The following GLIS3 variants were observed in gnomAD, a reference collection of about 807,000 sequenced individuals.
The protein encoded by GLIS3 is GLIS family zinc finger 3, also known as zinc finger protein GLIS3.
Under a neutral mutation model 78.6 loss-of-function variants are expected in GLIS3, and 53 were observed. That is an observed-to-expected ratio of 0.67 (90% CI 0.54 to 0.85). The LOEUF is 0.85. Ranked by LOEUF, GLIS3 falls within the 40% of genes least tolerant of loss-of-function variation. The probability of loss-of-function intolerance (pLI) is 0.00; values close to 1 mark genes in which losing one functional copy is unlikely to be tolerated. For missense variants in GLIS3, 1,703 were observed against 1,231.1 expected, an observed-to-expected ratio of 1.38 and a Z score of -5.74; for synonymous variants, 684 against 509.9, an observed-to-expected ratio of 1.34 and a Z score of -4.60.
At chr9:3,988,914 C>T (rs918606932) in intron 4 of GLIS3, among the ~76,000 whole-genome samples, 2 of 152,012 alleles carry the variant, frequency 1.3e-5, no homozygotes, top group African/African-American at 4.8e-5. Context: ...TAAATTTGTT[C>T]TCATCAAAAT....
chr9:4,214,987 A>T (rs1388794226), intron 2 of GLIS3, among the ~76,000 whole-genome samples: 1 of 152,196 alleles, frequency 6.6e-6, no homozygotes, highest in African/African-American at 2.4e-5. Context: ...AGAGGGTGAG[A>T]CAGCTCTCCC....
chr9:4,119,551 A>G (rs1832025745), intron 3 of GLIS3, among the ~76,000 whole-genome samples: 1 of 152,220 alleles, frequency 6.6e-6, no homozygotes, highest in Non-Finnish European at 1.5e-5. Flanking sequence ...GCTATAATAT[A>G]TAAGGGAGTA....
chr9:4,389,612 T>C, the GLIS3 span, among the ~76,000 whole-genome samples: 1 of 152,172 alleles, frequency 6.6e-6, no homozygotes, highest in African/African-American at 2.4e-5. Flanking sequence ...CTAAATATAC[T>C]TCTTAGTCCT....
At chr9:4,218,704 G>A (rs1298574774) in intron 2 of GLIS3, among the ~76,000 whole-genome samples, 2 of 152,288 alleles carry the variant, frequency 1.3e-5, no homozygotes, top group East Asian at 3.9e-4. Context: ...ATTTTTTTAT[G>A]TTTATTAATT....
chr9:4,302,988 T>C (rs7861665), upstream of GLIS3, among the ~76,000 whole-genome samples: 119,087 of 152,108 alleles, frequency 0.78, 49,669 homozygotes, highest in South Asian at 0.95. Flanking sequence ...AAGTCCTGCA[T>C]AGCAAGCAGC....
intron 2 of GLIS3, among the ~76,000 whole-genome samples, chr9:4,259,812 T>G (rs949488580): frequency 3.3e-5 from 5 of 152,246 alleles, no homozygotes; most frequent in African/African-American, 1.2e-4. Flanking sequence ...TGAGCCTTTC[T>G]GGAATTAGAT....
At chr9:4,130,233 A>T (rs1011885280) in intron 2 of GLIS3, among the ~76,000 whole-genome samples, 2 of 152,204 alleles carry the variant, frequency 1.3e-5, no homozygotes, top group Non-Finnish European at 1.5e-5. Context: ...AAGTTTGGAA[A>T]ATTTACAGCC....
chr9:4,366,417 G>A, the GLIS3 span, among the ~76,000 whole-genome samples: 1 of 152,130 alleles, frequency 6.6e-6, no homozygotes, highest in African/African-American at 2.4e-5. Context: ...GGGATGGGAG[G>A]AAAGGAGGCC....
intron 9 of GLIS3, among the ~76,000 whole-genome samples, chr9:3,847,975 A>G (rs1409228359): frequency 6.6e-6 from 1 of 152,252 alleles, no homozygotes. Context: ...AAGTTCACTC[A>G]TCGGCTCATT....
chr9:4,193,196 T>C (rs1489041421), intron 2 of GLIS3, among the ~76,000 whole-genome samples: 2 of 152,248 alleles, frequency 1.3e-5, no homozygotes, highest in African/African-American at 4.8e-5. Flanking sequence ...TATGGCCCTA[T>C]GGGCTAAGAA....
At chr9:4,074,557 T>C (rs1362510142) in intron 4 of GLIS3, among the ~76,000 whole-genome samples, 1 of 152,200 alleles carries the variant, frequency 6.6e-6, no homozygotes, top group Non-Finnish European at 1.5e-5. Context: ...TACCCAACTG[T>C]ATTATATTTT....
At chr9:4,339,534 G>A (rs1817802454) in intron 2 of GLIS3, among the ~76,000 whole-genome samples, 1 of 151,380 alleles carries the variant, frequency 6.6e-6, no homozygotes, top group African/African-American at 2.4e-5. Context: ...TAGGTGCAGA[G>A]GTTTGGATTG....
chr9:4,241,484 A>G (rs1029557772), intron 2 of GLIS3, among the ~76,000 whole-genome samples: 5 of 152,170 alleles, frequency 3.3e-5, no homozygotes, highest in Admixed American at 6.5e-5. Context: ...CCTTAAAGAC[A>G]ATACTTGAGG....
chr9:4,324,145 C>T (rs1817571792), intron 2 of GLIS3, among the ~76,000 whole-genome samples: 1 of 152,204 alleles, frequency 6.6e-6, no homozygotes, highest in Non-Finnish European at 1.5e-5. Context: ...AAAAGCTGCA[C>T]TCTGTGTTCC....
the GLIS3 span, among the ~76,000 whole-genome samples, chr9:4,462,624 C>G: frequency 1.3e-4 from 16 of 123,190 alleles, no homozygotes; most frequent in Admixed American, 2.6e-4. Context: ...CACACACACA[C>G]ACACACACAG....
intron 2 of GLIS3, among the ~76,000 whole-genome samples, chr9:4,325,664 C>G (rs541548395): frequency 6.6e-6 from 1 of 152,284 alleles, no homozygotes; most frequent in East Asian, 1.9e-4. Context: ...TCACTTCCAC[C>G]TAGAGTTTGA....
chr9:3,945,114 C>T (rs950806543), intron 4 of GLIS3, among the ~76,000 whole-genome samples: 2 of 152,302 alleles, frequency 1.3e-5, no homozygotes, highest in Non-Finnish European at 2.9e-5. Flanking sequence ...AGCACTGACA[C>T]ATGGGGGGAC....
At chr9:4,018,269 A>G (rs1822599410) in intron 4 of GLIS3, among the ~76,000 whole-genome samples, 1 of 152,224 alleles carries the variant, frequency 6.6e-6, no homozygotes, top group Admixed American at 6.5e-5. Context: ...TGAGGTTTAG[A>G]AATAACTTCT....
Position 4,286,352 on chromosome 9 carries a change from C to A in GLIS3, c.74G>T (p.Gly25Val). The change falls in exon 2 of 11, where the codon GGT becomes GTT. Residue 25 changes from glycine to valine, a missense_variant. Coordinates refer to ENST00000381971, the MANE Select transcript of GLIS3 (RefSeq NM_001042413.2). ...GTPQGPRMVS[G>V]HHIPAIRAHS... The stretch of plus-strand genomic sequence containing the variant: ...GGCTCGGATGGCAGGAATGTGATGA[C>A]CACTGACCATCCTAGGCCCCTGTGG... The A allele has an allele frequency of 6.2e-7, 1 of 1,614,176 alleles. No homozygotes were observed. The highest frequency in any genetic ancestry group is 1.1e-5 in the South Asian group (1 of 91,082).
Sources: gnomAD v4.1 joint callset for allele counts (sites outside exome capture counted in the v4.1 genomes callset) on GRCh38, gnomAD v4.1.1 for gene constraint, MANE v1.5 for transcripts, NCBI Gene and HGNC (gene_info 2026-07-23, HGNC 2026-07-21) for gene names.